The following TBC1D8 variants were observed in gnomAD, a reference collection of about 807,000 sequenced individuals.
The protein encoded by TBC1D8 is BUB2-like protein 1.
TBC1D8 carries 65 observed loss-of-function variants against 118.8 expected under a neutral mutation model. The ratio of observed to expected loss-of-function variants is 0.55; its 90% CI spans 0.45 to 0.67. The LOEUF (loss-of-function observed/expected upper bound fraction) is 0.67, where lower values mean the gene tolerates loss of function less well. Among genes scored for constraint, TBC1D8 ranks in the 30% least tolerant of loss-of-function variants. TBC1D8 has a pLI of 0.00. For synonymous variants in TBC1D8, 566 were observed against 595.8 expected, an observed-to-expected ratio of 0.95 and a Z score of 0.73; for missense variants, 1,376 against 1,471.2, an observed-to-expected ratio of 0.94 and a Z score of 1.06.
At chr2:101,121,841 G>A (rs1033855919) in intron 1 of TBC1D8, among the ~76,000 whole-genome samples, 2 of 152,074 alleles carry the variant, frequency 1.3e-5, no homozygotes, top group Admixed American at 6.6e-5. Flanking sequence ...CAAGGCAGGC[G>A]GATCACCTGA....
At position 101,090,320 on chromosome 2, in the gene TBC1D8, G is replaced by C; in HGVS notation, c.172C>G (p.Arg58Gly). ...ALDAVLDSNA[R>G]VAPFRILLQV... ...AGCAGAATTCGAAATGGAGCGACCC[G>C]TGCATTGGAATCCAACACTGCATCC... The change falls in exon 2 of 20, where the codon CGG (arginine) becomes GGG (glycine). Residue 58 changes from arginine to glycine, a missense_variant. By Grantham distance (125) the Arg-to-Gly change is moderately radical. Coordinates refer to ENST00000409318, the MANE Select transcript of TBC1D8 (RefSeq NM_001330348.2). 6.2e-7 allele frequency: 1 copy of C among 1,613,992 alleles called. No individual in the cohort carries two copies. The highest frequency in any genetic ancestry group is 1.1e-5 in the South Asian group (1 of 91,082).
chr2:101,084,087 C>G (rs969650970), intron 2 of TBC1D8, among the ~76,000 whole-genome samples: 4 of 152,142 alleles, frequency 2.6e-5, no homozygotes, highest in African/African-American at 9.7e-5. Context: ...AGGCCTGAGG[C>G]AGAAATTGCG....
At chr2:101,029,241 T>C (rs1392057444) in intron 12 of TBC1D8, among the ~76,000 whole-genome samples, 1 of 152,046 alleles carries the variant, frequency 6.6e-6, no homozygotes, top group Non-Finnish European at 1.5e-5. Context: ...ATACAAAAAT[T>C]AGCCGAGCAT....
At chr2:101,055,614 G>A (rs1395007194) in intron 3 of TBC1D8, among the ~76,000 whole-genome samples, 1 of 152,146 alleles carries the variant, frequency 6.6e-6, no homozygotes, top group East Asian at 1.9e-4. Context: ...AACAAGTAGT[G>A]TCCTTCATAA....
intron 19 of TBC1D8, among the ~76,000 whole-genome samples, chr2:101,009,104 T>C (rs529511411): frequency 2.6e-5 from 4 of 151,894 alleles, no homozygotes; most frequent in African/African-American, 9.7e-5. Flanking sequence ...AGAAAAATGG[T>C]TGGGTATGGC....
At chr2:101,066,709 G>A (rs546017556) in intron 2 of TBC1D8, among the ~76,000 whole-genome samples, 1 of 152,242 alleles carries the variant, frequency 6.6e-6, no homozygotes, top group East Asian at 1.9e-4. Context: ...CACACTGGGA[G>A]GCTGAGGCGG....
At chr2:101,132,746 G>T (rs1678650047) in intron 1 of TBC1D8, among the ~76,000 whole-genome samples, 1 of 151,962 alleles carries the variant, frequency 6.6e-6, no homozygotes, top group Admixed American at 6.6e-5. Flanking sequence ...ATGCCACCAT[G>T]CCCGGCTAAC....
chr2:101,012,139 T>A (rs2105361410), intron 17 of TBC1D8, among the ~76,000 whole-genome samples: 1 of 152,334 alleles, frequency 6.6e-6, no homozygotes, highest in South Asian at 2.1e-4. Context: ...CTCAGCCACT[T>A]TAGTAAACAG....
intron 2 of TBC1D8, among the ~76,000 whole-genome samples, chr2:101,081,293 CA>C (rs1018463832): frequency 5.3e-5 from 8 of 152,334 alleles, no homozygotes; most frequent in African/African-American, 1.9e-4. Flanking sequence ...CTGCACCCCA[CA>C]ATGCCCAGGT....
At chr2:101,125,567 A>G (rs1328136427) in intron 1 of TBC1D8, among the ~76,000 whole-genome samples, 2 of 152,228 alleles carry the variant, frequency 1.3e-5, no homozygotes, top group Non-Finnish European at 2.9e-5. Context: ...CTTACTATCA[A>G]TGATCCTCTG....
chr2:101,031,027 A>G (rs990786209), intron 11 of TBC1D8, among the ~76,000 whole-genome samples: 1 of 149,832 alleles, frequency 6.7e-6, no homozygotes, highest in South Asian at 2.1e-4. Context: ...ATGTGTTCCA[A>G]TGGTCCCCTC....
At chr2:101,143,089 GTC>G (rs1257683044) in intron 1 of TBC1D8, among the ~76,000 whole-genome samples, 1 of 137,648 alleles carries the variant, frequency 7.3e-6, no homozygotes, top group Non-Finnish European at 1.5e-5. Flanking sequence ...TTGAGACAGA[GTC>G]TCACCCTGTC....
intron 1 of TBC1D8, among the ~76,000 whole-genome samples, chr2:101,101,365 C>A (rs1198741110): frequency 6.6e-6 from 1 of 152,102 alleles, no homozygotes; most frequent in South Asian, 2.1e-4. Context: ...TCACGCCAGT[C>A]AGAATGGCAA....
At chr2:101,126,336 C>T (rs1385987916) in intron 1 of TBC1D8, among the ~76,000 whole-genome samples, 1 of 152,206 alleles carries the variant, frequency 6.6e-6, no homozygotes, top group Non-Finnish European at 1.5e-5. Context: ...CAAATTCCAA[C>T]ATGAAACTTG....
At position 101,008,069 on chromosome 2, in the gene TBC1D8, C is replaced by A. The variant is rs779585738; in HGVS notation, c.3220G>T (p.Val1074Phe). The A allele has an allele frequency of 1.9e-6, 3 of 1,613,996 alleles. No homozygotes were observed. The South Asian group carries it at 3.3e-5, about 18-fold the overall frequency. Reference protein sequence around the residue: ...RASAPSPEDSVFADTGKTPQD... With the variant: ...RASAPSPEDSFFADTGKTPQD... ...GGCGTCTTCCCAGTGTCTGCAAAAA[C>A]CGAGTCCTCAGGAGAAGGAGCTGAA... The change falls in exon 20 of 20, where the codon GTT (valine) becomes TTT (phenylalanine). Residue 1074 changes from valine (V) to phenylalanine (F), a missense_variant. Val to Phe is a conservative substitution (Grantham distance 50, BLOSUM62 -1). Transcript: ENST00000409318.
At chr2:101,088,225 T>C (rs1028407221) in intron 2 of TBC1D8, among the ~76,000 whole-genome samples, 1 of 152,124 alleles carries the variant, frequency 6.6e-6, no homozygotes, top group Admixed American at 6.6e-5. Flanking sequence ...TGGCTGGGAT[T>C]TGGGGAGATA....
At chr2:101,063,518 T>C (rs1406532199) in intron 2 of TBC1D8, among the ~76,000 whole-genome samples, 3 of 152,208 alleles carry the variant, frequency 2.0e-5, no homozygotes, top group African/African-American at 7.2e-5. Context: ...CCCTACTGGC[T>C]TCTATTTCCT....
chr2:101,019,082 T>C lies in TBC1D8; in HGVS notation c.2827+2599A>G, dbSNP rs751933542. 24 of 1,587,932 alleles carry C rather than the reference T, an allele frequency of 1.5e-5. 1 individual carries two copies. In the South Asian group the frequency reaches 2.8e-4, roughly 18 times the overall value. Reference sequence around the variant, plus strand: ...TGGATGAGGCCTTGGGTCTCGGCTCTTCATTGCTTCCTGAGCTGCAGCAGA... The same window carrying C: ...TGGATGAGGCCTTGGGTCTCGGCTCCTCATTGCTTCCTGAGCTGCAGCAGA... On this transcript the variant is annotated intron_variant, in intron 17 of 19. Coordinates refer to ENST00000409318, the MANE Select transcript of TBC1D8 (RefSeq NM_001330348.2).
chr2:101,069,362 G>A (rs1423968205), intron 2 of TBC1D8, among the ~76,000 whole-genome samples: 23 of 151,886 alleles, frequency 1.5e-4, no homozygotes, highest in Non-Finnish European at 2.4e-4. Flanking sequence ...TGAGGTGGGC[G>A]GATCACCTAA....
Sources: gnomAD v4.1 joint callset for allele counts (sites outside exome capture counted in the v4.1 genomes callset) on GRCh38, gnomAD v4.1.1 for gene constraint, MANE v1.5 for transcripts, NCBI Gene and HGNC (gene_info 2026-07-23, HGNC 2026-07-21) for gene names.